Variants in PDK1 observed in about 807,000 individuals in gnomAD.
The protein encoded by PDK1 is [Pyruvate dehydrogenase (acetyl-transferring)] kinase isozyme 1, mitochondrial.
A neutral mutation model predicts 54.2 loss-of-function variants in PDK1; 39 were observed. The ratio of observed to expected loss-of-function variants is 0.72; its 90% CI spans 0.56 to 0.94. The LOEUF is 0.94. Among genes scored for constraint, PDK1 ranks in the 40% least tolerant of loss-of-function variants. The probability of loss-of-function intolerance (pLI) is 0.00; values close to 1 mark genes in which losing one functional copy is unlikely to be tolerated. For missense variants in PDK1, 552 were observed against 566.0 expected (o/e 0.98, Z 0.25); for synonymous variants, 221 against 207.1 (o/e 1.07, Z -0.58).
the PDK1 span, among the ~76,000 whole-genome samples, chr2:172,703,722 C>A: frequency 1.2e-4 from 17 of 145,634 alleles, no homozygotes; most frequent in East Asian, 4.0e-4. Flanking sequence ...TGTAAGTTTT[C>A]ATCACTCTTT....
chr2:172,579,082 A>T (rs551056633), intron 8 of PDK1, among the ~76,000 whole-genome samples: 11 of 152,282 alleles, frequency 7.2e-5, no homozygotes, highest in Non-Finnish European at 1.3e-4. Flanking sequence ...CCCAGGAGAT[A>T]GCTGAGGTTT....
chr2:172,649,310 C>T, the PDK1 span, among the ~76,000 whole-genome samples: 2,822 of 152,270 alleles, frequency 0.019, 89 homozygotes, highest in African/African-American at 0.064. Context: ...AGGACATCCA[C>T]ACCAAAACCC....
the PDK1 span, among the ~76,000 whole-genome samples, chr2:172,635,312 C>CT: frequency 6.6e-6 from 1 of 152,066 alleles, no homozygotes; most frequent in East Asian, 1.9e-4. Context: ...ATTGTATTAA[C>CT]TTTTTTGCGG....
At chr2:172,658,706 C>T in the PDK1 span, among the ~76,000 whole-genome samples, 10 of 152,126 alleles carry the variant, frequency 6.6e-5, no homozygotes, top group East Asian at 3.9e-4. Flanking sequence ...TATAAATGGC[C>T]GCTCTGAGAG....
chr2:172,580,065 T>A (rs781199406), intron 8 of PDK1, among the ~76,000 whole-genome samples: 2 of 141,940 alleles, frequency 1.4e-5, no homozygotes, highest in Non-Finnish European at 3.0e-5. Flanking sequence ...ATTTTATTGC[T>A]CTAAGGATAT....
intron 10 of PDK1, among the ~76,000 whole-genome samples, chr2:172,595,403 G>A (rs1690836363): frequency 6.6e-6 from 1 of 151,918 alleles, no homozygotes; most frequent in Non-Finnish European, 1.5e-5. Flanking sequence ...CAGTGACTAT[G>A]CTGAAAAAAA....
intron 1 of PDK1, among the ~76,000 whole-genome samples, chr2:172,557,376 T>A (rs2149176936): frequency 6.6e-6 from 1 of 152,324 alleles, no homozygotes; most frequent in Middle Eastern, 3.4e-3. Context: ...TAAAATGCAT[T>A]ACTGGAATAA....
Position 172,590,820 on chromosome 2 carries a change from G to C in PDK1, c.1057-2115G>C, listed in dbSNP as rs193160889. Among the ~76,000 whole-genome samples, 723 of 123,970 alleles carry C rather than the reference G, an allele frequency of 5.8e-3. 9 individuals carry two copies. Among genetic ancestry groups the C allele is most frequent in the African/African-American group, 0.024 (656 of 27,082 alleles). The allele number at this position is 123,970 out of a possible 152,430, so 81.3% of individuals were successfully genotyped here. On this transcript the variant is annotated intron_variant, in intron 9 of 10. Transcript: ENST00000282077. ...TGGTGTGTTTACAAACCTTTAGCTA[G>C]ACACAGAGTGCTGATTGGTGCATTT...
the PDK1 span, among the ~76,000 whole-genome samples, chr2:172,671,665 G>A: frequency 1.3e-5 from 2 of 151,704 alleles, no homozygotes; most frequent in Admixed American, 1.3e-4. Flanking sequence ...CACTGATAAT[G>A]TAATAAACCA....
the PDK1 span, among the ~76,000 whole-genome samples, chr2:172,686,449 T>C: frequency 6.6e-6 from 1 of 151,990 alleles, no homozygotes; most frequent in Admixed American, 6.6e-5. Flanking sequence ...TAGCTGGAGG[T>C]TTGTAAAATG....
rs1691124028 is a variant in PDK1 at position 172,601,752 on chromosome 2, C to A, written c.*5783C>A. On this transcript the variant is annotated 3_prime_UTR_variant, in exon 11 of 11. Transcript: ENST00000282077. ...GGCAGCAACCAGCTAGTGGGTGTCC[C>A]TTGATGGAGGCTTTGCAGGCTGCAG... The A allele has an allele frequency of 6.6e-6, 1 of 152,116 alleles. No homozygotes were observed. The highest frequency in any genetic ancestry group is 6.6e-5 in the Admixed American group (1 of 15,262). 9.4% of individuals were successfully genotyped at this position (152,116 alleles called of 1,614,324 possible).
the PDK1 span, among the ~76,000 whole-genome samples, chr2:172,716,200 G>T: frequency 6.6e-6 from 1 of 152,110 alleles, no homozygotes; most frequent in Admixed American, 6.5e-5. Context: ...GCAAAACTAT[G>T]TCAGAAATAG....
chr2:172,710,423 A>G, the PDK1 span, among the ~76,000 whole-genome samples: 1 of 152,236 alleles, frequency 6.6e-6, no homozygotes, highest in Non-Finnish European at 1.5e-5. Context: ...TTAAATTACA[A>G]TGTGCTAAAT....
chr2:172,583,509 G>A (rs1415463581), intron 8 of PDK1, among the ~76,000 whole-genome samples: 1 of 151,768 alleles, frequency 6.6e-6, no homozygotes, highest in African/African-American at 2.4e-5. Context: ...GGCCAGGCTG[G>A]TCTCGAACTG....
intron 9 of PDK1, among the ~76,000 whole-genome samples, chr2:172,592,048 G>A (rs887654319): frequency 6.6e-6 from 1 of 152,188 alleles, no homozygotes; most frequent in Non-Finnish European, 1.5e-5. Flanking sequence ...AGTTCCTCCT[G>A]TGTCTGGTCG....
the PDK1 span, among the ~76,000 whole-genome samples, chr2:172,615,281 T>G: frequency 7.2e-5 from 11 of 152,272 alleles, no homozygotes; most frequent in South Asian, 2.3e-3. Flanking sequence ...ACTGTTTGAG[T>G]TGTTCAGTCA....
Position 172,565,026 on chromosome 2 carries a change from A to G in PDK1, c.644A>G (p.His215Arg). 1 of 1,612,778 alleles carries G rather than the reference A, an allele frequency of 6.2e-7. No homozygotes were observed. The highest frequency in any genetic ancestry group is 8.5e-7 in the Non-Finnish European group (1 of 1,178,854). Residue 215 changes from histidine to arginine, a missense_variant, in exon 5 of 11, where the codon CAC (histidine) becomes CGC (arginine). By Grantham distance (29) the His-to-Arg change is conservative. Coordinates refer to ENST00000282077, the MANE Select transcript of PDK1 (RefSeq NM_002610.5). ...KGKGSPSHRK[H>R]IGSINPNCNV... ...AAAGGAAGTCCATCTCATCGAAAACACATTGGAAGCATAAATCCAAACTGC... is the reference window on the plus strand; with the variant it reads ...AAAGGAAGTCCATCTCATCGAAAACGCATTGGAAGCATAAATCCAAACTGC...
chr2:172,657,646 G>C, the PDK1 span, among the ~76,000 whole-genome samples: 2 of 152,104 alleles, frequency 1.3e-5, no homozygotes, highest in South Asian at 4.1e-4. Context: ...ACAATAGCAG[G>C]TGCAAGAAGA....
At chr2:172,635,736 G>T in the PDK1 span, among the ~76,000 whole-genome samples, 2 of 152,160 alleles carry the variant, frequency 1.3e-5, no homozygotes, top group Non-Finnish European at 2.9e-5. Context: ...GTGAACAAAT[G>T]ACTTGGGAGT....
Sources: allele counts gnomAD v4.1 joint callset (sites outside exome capture counted in the v4.1 genomes callset), GRCh38; gene constraint gnomAD v4.1.1; transcripts MANE v1.5; gene names NCBI Gene and HGNC (gene_info 2026-07-23, HGNC 2026-07-21).